Variants in CTNNA3 observed in about 807,000 individuals in gnomAD.
The protein encoded by CTNNA3 is catenin alpha 3, also known as catenin alpha-3.
Under a neutral mutation model 95.7 loss-of-function variants are expected in CTNNA3, and 76 were observed. The ratio of observed to expected loss-of-function variants is 0.79; its 90% CI spans 0.66 to 0.96. The LOEUF (loss-of-function observed/expected upper bound fraction) is 0.96, where lower values mean the gene tolerates loss of function less well. Ranked by LOEUF, CTNNA3 falls within the 40% of genes least tolerant of loss-of-function variation. The probability of loss-of-function intolerance (pLI) is 0.00; values close to 1 mark genes in which losing one functional copy is unlikely to be tolerated. For missense variants in CTNNA3, 1,191 were observed against 1,089.8 expected (o/e 1.09, Z -1.31); for synonymous variants, 431 against 374.4 (o/e 1.15, Z -1.74).
chr10:67,480,239 G>T (rs1324909082), intron 5 of CTNNA3, among the ~76,000 whole-genome samples: 1 of 152,188 alleles, frequency 6.6e-6, no homozygotes, highest in East Asian at 1.9e-4. Flanking sequence ...TCTAACTCAT[G>T]CTACAAAAGT....
At chr10:66,774,641 A>G (rs546709776) in intron 8 of CTNNA3, among the ~76,000 whole-genome samples, 31 of 152,338 alleles carry the variant, frequency 2.0e-4, no homozygotes, top group African/African-American at 6.0e-4. Context: ...CCATTAAACT[A>G]CGATAATACA....
In CTNNA3 at chr10:67,472,373, A is replaced by C. The variant is rs561813399; in HGVS notation, c.579+49469T>G. 5.3e-5 allele frequency among the ~76,000 whole-genome samples: 8 copies of C among 152,346 alleles called. No homozygotes were observed. In the East Asian group the frequency reaches 1.5e-3, roughly 29 times the overall value. ...TTTCCAAGACAACAGGTCACAAGAC[A>C]TCACTGGTAAAACAAGAGACAGTGA... On this transcript the variant is annotated intron_variant, in intron 5 of 17. Transcript: ENST00000433211.
At chr10:67,608,802 C>T (rs904846197) in intron 2 of CTNNA3, among the ~76,000 whole-genome samples, 1 of 151,956 alleles carries the variant, frequency 6.6e-6, no homozygotes, top group Non-Finnish European at 1.5e-5. Flanking sequence ...AAAAAACACC[C>T]ATTTCTGGCC....
chr10:66,693,744 A>G (rs12260621), intron 9 of CTNNA3, among the ~76,000 whole-genome samples: 1 of 151,980 alleles, frequency 6.6e-6, no homozygotes, highest in African/African-American at 2.4e-5. Context: ...AAAAGAACAT[A>G]AATTATAACA....
intron 3 of CTNNA3, among the ~76,000 whole-genome samples, chr10:67,576,218 A>G (rs1017284089): frequency 6.6e-6 from 1 of 152,146 alleles, no homozygotes; most frequent in Non-Finnish European, 1.5e-5. Context: ...TCTGAAGGCC[A>G]TTTCCTGGGC....
intron 5 of CTNNA3, among the ~76,000 whole-genome samples, chr10:67,476,946 G>C (rs890006293): frequency 6.6e-6 from 1 of 151,636 alleles, no homozygotes; most frequent in Non-Finnish European, 1.5e-5. Flanking sequence ...ATCCTGAGCC[G>C]CCTCAGCCTT....
intron 5 of CTNNA3, among the ~76,000 whole-genome samples, chr10:67,266,243 T>A (rs1212109121): frequency 6.6e-6 from 1 of 152,046 alleles, no homozygotes. Context: ...CACTAAACAA[T>A]TCAACTTACA....
At chr10:66,232,116 C>T (rs2089617545) in intron 13 of CTNNA3, among the ~76,000 whole-genome samples, 1 of 152,098 alleles carries the variant, frequency 6.6e-6, no homozygotes, top group African/African-American at 2.4e-5. Flanking sequence ...TAATAACTTC[C>T]CCCAAAATCA....
intron 4 of CTNNA3, among the ~76,000 whole-genome samples, chr10:67,527,712 G>T (rs185604756): frequency 1.3e-5 from 2 of 152,234 alleles, no homozygotes; most frequent in Non-Finnish European, 2.9e-5. Flanking sequence ...CCTGAAGACT[G>T]AGCACAATCA....
chr10:66,073,900 T>A (rs558767286), intron 14 of CTNNA3, among the ~76,000 whole-genome samples: 2 of 152,182 alleles, frequency 1.3e-5, no homozygotes, highest in African/African-American at 4.8e-5. Flanking sequence ...ATCATAAATG[T>A]ACAGTTGGAA....
At chr10:66,893,817 A>G (rs1350692189) in intron 7 of CTNNA3, among the ~76,000 whole-genome samples, 1 of 152,158 alleles carries the variant, frequency 6.6e-6, no homozygotes, top group Non-Finnish European at 1.5e-5. Context: ...AAAAGAACAC[A>G]GATAATCAAG....
At chr10:66,291,552 C>T (rs1427989171) in intron 12 of CTNNA3, among the ~76,000 whole-genome samples, 4 of 152,026 alleles carry the variant, frequency 2.6e-5, no homozygotes, top group Admixed American at 2.6e-4. Context: ...CGTCCAGTTA[C>T]ATCTGAGAAG....
chr10:67,106,314 C>A (rs912562351), intron 7 of CTNNA3, among the ~76,000 whole-genome samples: 1 of 152,140 alleles, frequency 6.6e-6, no homozygotes, highest in African/African-American at 2.4e-5. Flanking sequence ...TGCTTTTCTG[C>A]CACTGAGAAT....
intron 7 of CTNNA3, among the ~76,000 whole-genome samples, chr10:66,795,670 C>T (rs561735169): frequency 6.6e-6 from 1 of 152,244 alleles, no homozygotes; most frequent in African/African-American, 2.4e-5. Flanking sequence ...TTGACTACTC[C>T]TCTTTAGCTA....
chr10:66,258,216 T>C (rs1310491547), intron 13 of CTNNA3, among the ~76,000 whole-genome samples: 1 of 152,178 alleles, frequency 6.6e-6, no homozygotes, highest in South Asian at 2.1e-4. Context: ...ACAGTGTTAG[T>C]ATCAAACAAA....
intron 12 of CTNNA3, among the ~76,000 whole-genome samples, chr10:66,372,257 C>T (rs879748902): frequency 5.9e-5 from 9 of 152,090 alleles, no homozygotes; most frequent in Admixed American, 6.6e-5. Context: ...TTTCTATTGC[C>T]TTCAGCACAT....
chr10:67,259,643 G>A (rs1334646648), intron 5 of CTNNA3, among the ~76,000 whole-genome samples: 1 of 152,132 alleles, frequency 6.6e-6, no homozygotes, highest in African/African-American at 2.4e-5. Context: ...GCTGCCTGCT[G>A]CCTACTTCAT....
intron 5 of CTNNA3, among the ~76,000 whole-genome samples, chr10:67,474,562 T>C (rs1422490891): frequency 6.6e-6 from 1 of 152,140 alleles, no homozygotes; most frequent in Middle Eastern, 3.2e-3. Flanking sequence ...TCTTTTATTA[T>C]GGCCATCTAG....
At chr10:67,520,028 C>G (rs1839934889) in intron 5 of CTNNA3, among the ~76,000 whole-genome samples, 2 of 152,130 alleles carry the variant, frequency 1.3e-5, no homozygotes, top group African/African-American at 4.8e-5. Context: ...CAGTTTCACG[C>G]CTTATTAGCT....
Sources: allele counts gnomAD v4.1 joint callset (sites outside exome capture counted in the v4.1 genomes callset), GRCh38; gene constraint gnomAD v4.1.1; transcripts MANE v1.5; gene names NCBI Gene and HGNC (gene_info 2026-07-23, HGNC 2026-07-21).